The following VWC2 variants were observed in gnomAD, a reference collection of about 807,000 sequenced individuals.
VWC2 encodes the protein brorin.
VWC2 carries 14 observed loss-of-function variants against 29.8 expected under a neutral mutation model. The observed-to-expected ratio is 0.47, with a 90% confidence interval of 0.31 to 0.74. VWC2 has a LOEUF of 0.74. Among genes scored for constraint, VWC2 ranks in the 30% least tolerant of loss-of-function variants. The pLI is 0.05. For synonymous variants in VWC2, 213 were observed against 199.0 expected (o/e 1.07, Z -0.59); for missense variants, 457 against 459.8 (o/e 0.99, Z 0.05).
rs187341473 is a variant in VWC2 at position 49,847,819 on chromosome 7, T to G, written c.826+44979T>G. On this transcript the variant is annotated intron_variant, in intron 3 of 3. Transcript: ENST00000340652. ...CCTGATGATCAGAAGAGGTGGACAG[T>G]GGCTCTCAGTGTGAAAGCCCGCAGA... is the stretch of plus-strand genomic sequence containing the variant. Among the ~76,000 whole-genome samples, 10 of 152,250 alleles carry G rather than the reference T, an allele frequency of 6.6e-5. No individual in the cohort carries two copies. The East Asian group carries it at 1.9e-3, about 29-fold the overall frequency.
intron 3 of VWC2, among the ~76,000 whole-genome samples, chr7:49,828,709 G>A (rs1789460009): frequency 6.6e-6 from 1 of 151,984 alleles, no homozygotes; most frequent in African/African-American, 2.4e-5. Context: ...CTAGACGGAC[G>A]GCCTCTCCCA....
intron 3 of VWC2, among the ~76,000 whole-genome samples, chr7:49,805,343 A>C (rs1323110214): frequency 6.6e-6 from 1 of 152,228 alleles, no homozygotes; most frequent in African/African-American, 2.4e-5. Context: ...TTTTAAAGCT[A>C]GATTTATATT....
chr7:49,804,175 A>T (rs1788815823), intron 3 of VWC2, among the ~76,000 whole-genome samples: 1 of 151,726 alleles, frequency 6.6e-6, no homozygotes, highest in African/African-American at 2.4e-5. Flanking sequence ...TTTTTTTTAA[A>T]AAAAAAAATG....
chr7:49,815,967 G>C (rs994152708), intron 3 of VWC2, among the ~76,000 whole-genome samples: 1 of 152,178 alleles, frequency 6.6e-6, no homozygotes, highest in African/African-American at 2.4e-5. Flanking sequence ...AATTTATGAA[G>C]GACACAGCAT....
intron 3 of VWC2, among the ~76,000 whole-genome samples, chr7:49,835,913 T>C (rs143577788): frequency 0.013 from 2,028 of 152,302 alleles, 27 homozygotes; most frequent in South Asian, 0.025. Flanking sequence ...CAAAAAGTCA[T>C]GGTATCACGA....
At chr7:49,888,176 T>G (rs1442921596) in intron 3 of VWC2, among the ~76,000 whole-genome samples, 1 of 152,232 alleles carries the variant, frequency 6.6e-6, no homozygotes, top group Non-Finnish European at 1.5e-5. Flanking sequence ...TTTCTGGACC[T>G]TTTAAAAAAT....
At chr7:49,839,928 T>G (rs1387122642) in intron 3 of VWC2, among the ~76,000 whole-genome samples, 2 of 152,226 alleles carry the variant, frequency 1.3e-5, no homozygotes, top group African/African-American at 4.8e-5. Flanking sequence ...CCCAAATGAA[T>G]GATTTCTAGG....
intron 3 of VWC2, among the ~76,000 whole-genome samples, chr7:49,902,461 G>A (rs888789718): frequency 5.3e-5 from 8 of 151,504 alleles, no homozygotes; most frequent in Admixed American, 3.3e-4. Context: ...TTTGACAAAG[G>A]TGCAAAGGTA....
rs111433387 is a variant in VWC2, at chr7:49,916,115, T to G, written c.*3930T>G. ...TAGCACAGATTAAACAGCCTACTTA[T>G]GTCATATCCTCACTTCACACCAACT... On this transcript the variant is annotated 3_prime_UTR_variant, in exon 4 of 4. Coordinates refer to ENST00000340652, the MANE Select transcript of VWC2 (RefSeq NM_198570.5). 1 of 152,226 alleles carries G rather than the reference T, an allele frequency of 6.6e-6. No individual in the cohort carries two copies. The highest frequency in any genetic ancestry group is 1.5e-5 in the Non-Finnish European group (1 of 68,028). The allele number at this position is 152,226 out of a possible 1,614,324, so 9.4% of individuals were successfully genotyped here.
At position 49,921,332 on chromosome 7, in the gene VWC2, T is replaced by C. The variant is rs1429899392; in HGVS notation, c.*9147T>C. ...CCTGGCCTGAGCCTTACTCCATAGC[T>C]ATAGAGACATAGTCTCTAGAAACAA... On this transcript the variant is annotated 3_prime_UTR_variant, in exon 4 of 4. Transcript: ENST00000340652. 1 of 152,230 alleles carries C rather than the reference T, an allele frequency of 6.6e-6. No homozygotes were observed. Among genetic ancestry groups the C allele is most frequent in the Non-Finnish European group, 1.5e-5 (1 of 68,034 alleles). The allele number at this position is 152,230 out of a possible 1,614,324, so 9.4% of individuals were successfully genotyped here.
intron 3 of VWC2, among the ~76,000 whole-genome samples, chr7:49,808,880 G>A (rs1788934031): frequency 6.6e-6 from 1 of 151,976 alleles, no homozygotes; most frequent in African/African-American, 2.4e-5. Context: ...TGATGCTAAA[G>A]CAGTATTTAG....
chr7:49,857,369 C>CT (rs1413203331), intron 3 of VWC2, among the ~76,000 whole-genome samples: 1 of 152,174 alleles, frequency 6.6e-6, no homozygotes, highest in Non-Finnish European at 1.5e-5. Flanking sequence ...GGATTTCCTT[C>CT]TTTTTTAAGC....
chr7:49,788,575 A>G (rs62454411), intron 2 of VWC2, among the ~76,000 whole-genome samples: 38,773 of 145,492 alleles, frequency 0.27, 6,883 homozygotes, highest in African/African-American at 0.53. Context: ...GAGTGTGGGC[A>G]TGTGCGACAC....
intron 1 of VWC2, among the ~76,000 whole-genome samples, chr7:49,774,716 C>T (rs889898746): frequency 6.6e-6 from 1 of 152,190 alleles, no homozygotes; most frequent in Admixed American, 6.5e-5. Context: ...GGGCCGAGGG[C>T]ATCCTTTCAT....
At chr7:49,788,618 T>C (rs1193070374) in intron 2 of VWC2, among the ~76,000 whole-genome samples, 2 of 133,084 alleles carry the variant, frequency 1.5e-5, no homozygotes, top group Non-Finnish European at 3.1e-5. Context: ...TTATGAGTGG[T>C]GGGTGTGTGA....
chr7:49,871,123 T>C (rs1390426582), intron 3 of VWC2, among the ~76,000 whole-genome samples: 1 of 152,132 alleles, frequency 6.6e-6, no homozygotes, highest in Non-Finnish European at 1.5e-5. Flanking sequence ...ATTTCATAAA[T>C]ACAAAAGGTG....
chr7:49,851,132 C>T (rs1446387584), intron 3 of VWC2, among the ~76,000 whole-genome samples: 3 of 152,194 alleles, frequency 2.0e-5, no homozygotes, highest in Admixed American at 6.5e-5. Flanking sequence ...GCCCGCCACC[C>T]TGGGCTTCCT....
chr7:49,891,487 T>C (rs1792125408), intron 3 of VWC2, among the ~76,000 whole-genome samples: 1 of 152,076 alleles, frequency 6.6e-6, no homozygotes, highest in Non-Finnish European at 1.5e-5. Context: ...TAGAAAATAA[T>C]GACAAGATAC....
intron 3 of VWC2, among the ~76,000 whole-genome samples, chr7:49,848,936 C>T (rs1790067411): frequency 6.6e-6 from 1 of 152,216 alleles, no homozygotes; most frequent in Admixed American, 6.5e-5. Context: ...CTCTGTATCT[C>T]TTATATGATA....
Sources: allele counts gnomAD v4.1 joint callset (sites outside exome capture counted in the v4.1 genomes callset), GRCh38; gene constraint gnomAD v4.1.1; transcripts MANE v1.5; gene names NCBI Gene and HGNC (gene_info 2026-07-23, HGNC 2026-07-21).